OGFRL1: variants seen among roughly 807,000 people sequenced by gnomAD.
The protein encoded by OGFRL1 is opioid growth factor receptor-like protein 1.
In OGFRL1, 26 loss-of-function variants were observed where a neutral mutation model predicts 32.4. The ratio of observed to expected loss-of-function variants is 0.80; its 90% CI spans 0.59 to 1.11. The LOEUF is 1.11. OGFRL1 is among the 50% of genes most tolerant of loss of function. The probability of loss-of-function intolerance (pLI) is 0.00; values close to 1 mark genes in which losing one functional copy is unlikely to be tolerated. For missense variants in OGFRL1, 521 were observed against 546.4 expected, an observed-to-expected ratio of 0.95 and a Z score of 0.46; for synonymous variants, 211 against 201.2, an observed-to-expected ratio of 1.05 and a Z score of -0.41.
Position 71,306,534 on chromosome 6 carries a change from A to G in OGFRL1, c.*4485A>G, listed in dbSNP as rs1390310120. 1.3e-5 allele frequency: 2 copies of G among 152,314 alleles called. No individual in the cohort carries two copies. Among genetic ancestry groups the G allele is most frequent in the East Asian group, 3.9e-4 (2 of 5,190 alleles). 9.4% of individuals were successfully genotyped at this position (152,314 alleles called of 1,614,324 possible). A position where few individuals can be genotyped will look rare whatever the true frequency, so the allele number is the denominator to read the frequency against. On this transcript the variant is annotated 3_prime_UTR_variant, in exon 7 of 7. Transcript: ENST00000370435. ...ATTCAGAAGTTTACATTTTTATTAC[A>G]TTATAAAATCTCATCATTGGGAACT...
chr6:71,292,838 T>C (rs1766090371), intron 1 of OGFRL1, among the ~76,000 whole-genome samples: 1 of 152,206 alleles, frequency 6.6e-6, no homozygotes, highest in African/African-American at 2.4e-5. Flanking sequence ...CAAGTACAGC[T>C]AAATGTTGCA....
chr6:71,289,510 T>C (rs1276110683), intron 1 of OGFRL1: 21 of 931,940 alleles, frequency 2.3e-5, no homozygotes, highest in East Asian at 1.5e-4. Flanking sequence ...TGTCTAAAAA[T>C]AGAGGATTTT....
At position 71,307,357 on chromosome 6, in the gene OGFRL1, ATGGG is replaced by A. The variant is rs1766583954; in HGVS notation, c.*5310_*5313del. 1 of 152,152 alleles carries A rather than the reference ATGGG, an allele frequency of 6.6e-6. No individual in the cohort carries two copies. The highest frequency in any genetic ancestry group is 6.5e-5 in the Admixed American group (1 of 15,274). The allele number at this position is 152,152 out of a possible 1,614,324, so 9.4% of individuals were successfully genotyped here. ...ATCATGGACTCCATACACAATTTTGATGGGTATCAGTTCTCATAAAATACCTGCT... is the reference window on the plus strand; with the variant it reads ...ATCATGGACTCCATACACAATTTTGATATCAGTTCTCATAAAATACCTGCT... On this transcript the variant is annotated 3_prime_UTR_variant, in exon 7 of 7. Coordinates refer to ENST00000370435, the MANE Select transcript of OGFRL1 (RefSeq NM_024576.5).
chr6:71,306,341 C>T lies in OGFRL1; in HGVS notation c.*4292C>T, dbSNP rs557876901. ...CTAATCTCTAGGGTGACAGTGAGTA[C>T]TACCCTGCTCCTTCTGCATTCTAGT... is the stretch of plus-strand genomic sequence containing the variant. On this transcript the variant is annotated 3_prime_UTR_variant, in exon 7 of 7. Transcript: ENST00000370435. The T allele has an allele frequency of 3.2e-4, 49 of 152,242 alleles. No individual in the cohort carries two copies. Among genetic ancestry groups the T allele is most frequent in the African/African-American group, 1.2e-3 (49 of 41,550 alleles). The allele number at this position is 152,242 out of a possible 1,614,324, so 9.4% of individuals were successfully genotyped here.
At position 71,307,940 on chromosome 6, in the gene OGFRL1, G is replaced by A. The variant is rs534633483; in HGVS notation, c.*5891G>A. On this transcript the variant is annotated 3_prime_UTR_variant, in exon 7 of 7. Coordinates refer to ENST00000370435, the MANE Select transcript of OGFRL1 (RefSeq NM_024576.5). ...GCCAGAATTATTGGAAGCAGGTGAC[G>A]AATGATTAAGAAAAGCTTTATTGTG... 4 of 152,320 alleles carry A rather than the reference G, an allele frequency of 2.6e-5. No homozygotes were observed. The highest frequency in any genetic ancestry group is 1.9e-4 in the East Asian group (1 of 5,178). 9.4% of individuals were successfully genotyped at this position (152,320 alleles called of 1,614,324 possible). A position where few individuals can be genotyped will look rare whatever the true frequency, so the allele number is the denominator to read the frequency against.
At position 71,307,614 on chromosome 6, in the gene OGFRL1, G is replaced by A. The variant is rs899010245; in HGVS notation, c.*5565G>A. 4 of 151,982 alleles carry A rather than the reference G, an allele frequency of 2.6e-5. No homozygotes were observed. Among genetic ancestry groups the A allele is most frequent in the African/African-American group, 9.7e-5 (4 of 41,410 alleles). The allele number at this position is 151,982 out of a possible 1,614,324, so 9.4% of individuals were successfully genotyped here. ...AAAGGCAGTAGTGGTCACTTACTGTGCTAAAATACCTTTTTCTCTAAAAAT... is the reference window on the plus strand; with the variant it reads ...AAAGGCAGTAGTGGTCACTTACTGTACTAAAATACCTTTTTCTCTAAAAAT... On this transcript the variant is annotated 3_prime_UTR_variant, in exon 7 of 7. Coordinates refer to ENST00000370435, the MANE Select transcript of OGFRL1 (RefSeq NM_024576.5).
In OGFRL1 at chr6:71,296,505, C is replaced by T; in HGVS notation, c.490C>T (p.Leu164=). Residue 164 remains leucine, a synonymous_variant, in exon 5 of 7, where the codon CTG becomes TTG. Coordinates refer to ENST00000370435, the MANE Select transcript of OGFRL1 (RefSeq NM_024576.5). ...TTTTAAAATAAATAGGCTTTTCCCCCTGAGAGAACAAGGCTTGAACTTCTA... is the reference window on the plus strand; with the variant it reads ...TTTTAAAATAAATAGGCTTTTCCCCTTGAGAGAACAAGGCTTGAACTTCTA... ...NHTYIQWLFP[L]REQGLNFYAK... 1.2e-6 allele frequency: 2 copies of T among 1,609,496 alleles called. No individual in the cohort carries two copies. The highest frequency in any genetic ancestry group is 4.5e-5 in the East Asian group (2 of 44,764).
intron 3 of OGFRL1, among the ~76,000 whole-genome samples, chr6:71,294,222 A>G (rs1170013167): frequency 1.3e-5 from 2 of 152,076 alleles, no homozygotes; most frequent in Non-Finnish European, 1.5e-5. Context: ...ACCCATAGTG[A>G]GAAGATGCAG....
intron 6 of OGFRL1, among the ~76,000 whole-genome samples, chr6:71,297,746 T>A (rs952424551): frequency 5.3e-5 from 8 of 151,980 alleles, no homozygotes; most frequent in African/African-American, 1.7e-4. Flanking sequence ...TTTTTTTATG[T>A]GTTTTTATAG....
intron 1 of OGFRL1, chr6:71,291,466 T>C (rs1017359771): frequency 6.6e-6 from 1 of 152,308 alleles, no homozygotes; most frequent in African/African-American, 2.4e-5. Flanking sequence ...GGTCAAGGAA[T>C]GTTTTGTATG....
intron 1 of OGFRL1, chr6:71,289,548 TAAAAAAAAA>T (rs1158690810): frequency 0.042 from 22,676 of 540,606 alleles, 185 homozygotes; most frequent in African/African-American, 0.084. Context: ...GTGTTATTGG[TAAAAAAAAA>T]AAAAAAAAAA....
chr6:71,293,193 T>C (rs1766098870), intron 1 of OGFRL1, 100 bp from the exon 2 acceptor site: 1 of 894,684 alleles, frequency 1.1e-6, no homozygotes, highest in Non-Finnish European at 1.8e-6. Context: ...TTGACAATTT[T>C]CAGGCTTTCT....
chr6:71,293,433 T>C, intron 2 of OGFRL1, 54 bp downstream of exon 2: 1 of 1,588,094 alleles, frequency 6.3e-7, no homozygotes. Flanking sequence ...CTTCTGTTTT[T>C]AAATTTTTAT....
chr6:71,293,664 G>A, intron 3 of OGFRL1, 53 bp downstream of exon 3: 3 of 1,198,354 alleles, frequency 2.5e-6, no homozygotes, highest in East Asian at 2.4e-5. Flanking sequence ...CATACACTTG[G>A]TTATTCTTTA....
chr6:71,292,631 T>C (rs1169352620), intron 1 of OGFRL1, among the ~76,000 whole-genome samples: 1 of 152,230 alleles, frequency 6.6e-6, no homozygotes, highest in Non-Finnish European at 1.5e-5. Flanking sequence ...GTTGTTTCAA[T>C]TGGACACCAT....
At chr6:71,295,381 G>C (rs997719313) in intron 3 of OGFRL1, 1 of 152,056 alleles carries the variant, frequency 6.6e-6, no homozygotes, top group Admixed American at 6.6e-5. Flanking sequence ...AGTTATGTTC[G>C]GAGAAATATT....
chr6:71,302,283 G>A lies in OGFRL1; in HGVS notation c.*234G>A, dbSNP rs1442500092. The A allele has an allele frequency of 3.1e-6, 1 of 319,674 alleles. No homozygotes were observed. The highest frequency in any genetic ancestry group is 8.7e-4 in the Middle Eastern group (1 of 1,152). 19.8% of individuals were successfully genotyped at this position (319,674 alleles called of 1,614,324 possible). A position where few individuals can be genotyped will look rare whatever the true frequency, so the allele number is the denominator to read the frequency against. ...ATGTATTCTGTAATGCTTTTAGGAT[G>A]TGAATTTTCAAATTTTGTATATAAT... On this transcript the variant is annotated 3_prime_UTR_variant, in exon 7 of 7. Coordinates refer to ENST00000370435, the MANE Select transcript of OGFRL1 (RefSeq NM_024576.5).
Position 71,308,448 on chromosome 6 carries a change from G to C in OGFRL1, c.*6399G>C, listed in dbSNP as rs1766621064. ...ATTATGTCATTTTGGAAACTATTGT[G>C]TCCCTTGTATTTTAAATATTTCAGG... is the stretch of plus-strand genomic sequence containing the variant. On this transcript the variant is annotated 3_prime_UTR_variant, in exon 7 of 7. Transcript: ENST00000370435. 1 of 152,154 alleles carries C rather than the reference G, an allele frequency of 6.6e-6. No homozygotes were observed. Among genetic ancestry groups the C allele is most frequent in the African/African-American group, 2.4e-5 (1 of 41,450 alleles). 9.4% of individuals were successfully genotyped at this position (152,154 alleles called of 1,614,324 possible).
Position 71,289,060 on chromosome 6 carries a change from G to T in OGFRL1, c.124G>T (p.Gly42Cys), listed in dbSNP as rs749205199. The change falls in exon 1 of 7, where the codon GGC becomes TGC. Residue 42 changes from glycine to cysteine, a missense_variant. Transcript: ENST00000370435. ...EEPGPGGGSE[G>C]PGQESEQPAQ... Reference sequence around the variant, plus strand: ...ACCAGGGCCGGGCGGCGGCAGCGAGGGCCCGGGGCAGGAGTCCGAGCAGCC... The same window carrying T: ...ACCAGGGCCGGGCGGCGGCAGCGAGTGCCCGGGGCAGGAGTCCGAGCAGCC... 7.9e-7 allele frequency: 1 copy of T among 1,267,526 alleles called. No homozygotes were observed. The allele number at this position is 1,267,526 out of a possible 1,614,324, so 78.5% of individuals were successfully genotyped here.
Sources: allele counts gnomAD v4.1 joint callset (sites outside exome capture counted in the v4.1 genomes callset), GRCh38; gene constraint gnomAD v4.1.1; transcripts MANE v1.5; gene names NCBI Gene and HGNC (gene_info 2026-07-23, HGNC 2026-07-21).